RMST: variants seen among roughly 807,000 people sequenced by gnomAD.
RMST encodes the protein long intergenic non-protein coding RNA 54.
intron 10 of RMST, among the ~76,000 whole-genome samples, chr12:97,513,809 T>G (rs1412992863): frequency 6.6e-6 from 1 of 152,078 alleles, no homozygotes; most frequent in Non-Finnish European, 1.5e-5. Context: ...TGTGCTATGG[T>G]AAATGGTGTG....
chr12:97,531,542 A>T lies in RMST; in HGVS notation n.1545+683A>T, dbSNP rs1462406673. On this transcript the variant is annotated intron_variant and non_coding_transcript_variant, in intron 11 of 13. Coordinates refer to ENST00000640149, the Ensembl canonical transcript of RMST. ...TGATAGTCTTCCTGTATTGCTAATT[A>T]ATGAGCGTGAATATTGATGAGGAAG... Among the ~76,000 whole-genome samples the T allele has an allele frequency of 2.0e-5, 3 of 151,946 alleles. No individual in the cohort carries two copies. In the East Asian group the frequency reaches 5.8e-4, roughly 29 times the overall value.
At chr12:97,488,471 T>C (rs1032227032) in intron 5 of RMST, among the ~76,000 whole-genome samples, 4 of 152,168 alleles carry the variant, frequency 2.6e-5, no homozygotes, top group Non-Finnish European at 5.9e-5. Flanking sequence ...CCTATATACA[T>C]CAAGACTTTC....
chr12:97,525,263 T>C (rs1880975844), intron 10 of RMST, among the ~76,000 whole-genome samples: 1 of 152,138 alleles, frequency 6.6e-6, no homozygotes, highest in Admixed American at 6.5e-5. Context: ...CAACAAATGG[T>C]TTTGAAAATA....
At chr12:97,534,898 G>T (rs1881948586) in intron 11 of RMST, among the ~76,000 whole-genome samples, 1 of 151,632 alleles carries the variant, frequency 6.6e-6, no homozygotes, top group African/African-American at 2.4e-5. Flanking sequence ...TATTTGTTGT[G>T]CATTGTTTAT....
intron 13 of RMST, among the ~76,000 whole-genome samples, chr12:97,561,459 G>A (rs1004739780): frequency 2.6e-5 from 4 of 151,774 alleles, no homozygotes; most frequent in Non-Finnish European, 4.4e-5. Context: ...TTTTTGGAAC[G>A]GGAAAAAAAG....
chr12:97,479,929 T>G (rs1301413707), intron 5 of RMST, among the ~76,000 whole-genome samples: 1 of 152,160 alleles, frequency 6.6e-6, no homozygotes, highest in African/African-American at 2.4e-5. Context: ...TAGTTTCTCA[T>G]TCTATGCTTT....
intron 11 of RMST, chr12:97,541,471 A>G (rs1882511656): frequency 6.6e-6 from 1 of 151,772 alleles, no homozygotes; most frequent in South Asian, 2.1e-4. Context: ...CAGGTTTCAA[A>G]AGGTGGATAG....
intron 11 of RMST, among the ~76,000 whole-genome samples, chr12:97,543,213 G>T (rs1882684596): frequency 6.6e-6 from 1 of 152,020 alleles, no homozygotes; most frequent in African/African-American, 2.4e-5. Flanking sequence ...CAGTTACTTA[G>T]AATGTCAGCA....
At position 97,475,843 on chromosome 12, in the gene RMST, G is replaced by T. The variant is rs144536847; in HGVS notation, n.644+10116G>T. ...CATAATAAATATGTTTCCCAAATGC[G>T]ATTTAGTTTAAGCCCTTGGTTATGA... On this transcript the variant is annotated intron_variant and non_coding_transcript_variant, in intron 5 of 13. Coordinates refer to ENST00000640149, the Ensembl canonical transcript of RMST. Among the ~76,000 whole-genome samples the T allele has an allele frequency of 1.1e-4, 17 of 152,212 alleles. 1 individual carries two copies. The highest frequency in any genetic ancestry group is 3.4e-4 in the African/African-American group (14 of 41,542).
intron 11 of RMST, among the ~76,000 whole-genome samples, chr12:97,537,826 G>T (rs912861758): frequency 4.6e-5 from 7 of 151,382 alleles, no homozygotes; most frequent in Admixed American, 4.0e-4. Flanking sequence ...GAACAGATGG[G>T]ATGTCAGCCA....
At chr12:97,493,067 CA>C (rs1391642540) in intron 6 of RMST, 1 of 152,436 alleles carries the variant, frequency 6.6e-6, no homozygotes, top group African/African-American at 2.4e-5. Flanking sequence ...GCAAAGTTAA[CA>C]TCTTTAAAAA....
chr12:97,492,872 A>G (rs1382190708), intron 6 of RMST: 1 of 152,190 alleles, frequency 6.6e-6, no homozygotes, highest in African/African-American at 2.4e-5. Flanking sequence ...GATTTTGGAG[A>G]TATTTTAAAA....
intron 11 of RMST, among the ~76,000 whole-genome samples, chr12:97,559,755 A>G (rs1555234935): frequency 6.6e-6 from 1 of 152,140 alleles, no homozygotes; most frequent in Non-Finnish European, 1.5e-5. Flanking sequence ...TCTTCATTTC[A>G]TTGCTTCTAG....
At position 97,504,971 on chromosome 12, in the gene RMST, T is replaced by C. The variant is rs1468570873; in HGVS notation, n.1340+8915T>C. Reference sequence around the variant, plus strand: ...AAAAGGATTATCTTCCTGGAAACCTTGGTCGCCCCTGTTAGAGAGTCTCTC... The same window carrying C: ...AAAAGGATTATCTTCCTGGAAACCTCGGTCGCCCCTGTTAGAGAGTCTCTC... On this transcript the variant is annotated intron_variant and non_coding_transcript_variant, in intron 10 of 13. Transcript: ENST00000640149. Among the ~76,000 whole-genome samples the C allele has an allele frequency of 3.9e-5, 6 of 152,338 alleles. No homozygotes were observed. The East Asian group carries it at 9.6e-4, about 24-fold the overall frequency.
chr12:97,465,488 AATTG>A (rs1873074665), intron 4 of RMST, among the ~76,000 whole-genome samples: 1 of 152,152 alleles, frequency 6.6e-6, no homozygotes, highest in Non-Finnish European at 1.5e-5. Flanking sequence ...AAAAACGGCT[AATTG>A]ATGGATGCTG....
At chr12:97,529,069 T>A (rs1466185085) in intron 10 of RMST, among the ~76,000 whole-genome samples, 1 of 152,080 alleles carries the variant, frequency 6.6e-6, no homozygotes, top group African/African-American at 2.4e-5. Context: ...GATATCTATA[T>A]CTATATAGAT....
At chr12:97,539,653 T>C (rs1311470755) in intron 11 of RMST, among the ~76,000 whole-genome samples, 1 of 151,594 alleles carries the variant, frequency 6.6e-6, no homozygotes, top group Non-Finnish European at 1.5e-5. Context: ...TTAACCTTCA[T>C]GTGGAGATGC....
At chr12:97,542,707 C>G (rs1882641683) in intron 11 of RMST, among the ~76,000 whole-genome samples, 2 of 151,926 alleles carry the variant, frequency 1.3e-5, no homozygotes, top group Admixed American at 6.6e-5. Context: ...CCCTAATTGA[C>G]ATGGGGTTGT....
rs555005982 is a variant in RMST, at chr12:97,470,241, T to C, written n.644+4514T>C. Among the ~76,000 whole-genome samples, 129 of 152,220 alleles carry C rather than the reference T, an allele frequency of 8.5e-4. 1 individual carries two copies. Among genetic ancestry groups the C allele is most frequent in the Non-Finnish European group, 1.6e-3 (108 of 67,996 alleles). Reference sequence around the variant, plus strand: ...GATTTGAGCGAGATAATGCTCCACATTTTTTACCGTGTCTGTGTTTGTAGG... The same window carrying C: ...GATTTGAGCGAGATAATGCTCCACACTTTTTACCGTGTCTGTGTTTGTAGG... On this transcript the variant is annotated intron_variant and non_coding_transcript_variant, in intron 5 of 13. Coordinates refer to ENST00000640149, the Ensembl canonical transcript of RMST.
Sources: allele counts gnomAD v4.1 joint callset (sites outside exome capture counted in the v4.1 genomes callset), GRCh38; gene constraint gnomAD v4.1.1; transcripts MANE v1.5; gene names NCBI Gene and HGNC (gene_info 2026-07-23, HGNC 2026-07-21).